The following IQSEC1 variants were observed in gnomAD, a reference collection of about 807,000 sequenced individuals.
IQSEC1 encodes the protein IQ motif and SEC7 domain-containing protein 1.
A neutral mutation model predicts 91.0 loss-of-function variants in IQSEC1; 31 were observed. The ratio of observed to expected loss-of-function variants is 0.34; its 90% CI spans 0.26 to 0.46. The LOEUF is 0.46. Among genes scored for constraint, IQSEC1 ranks in the 20% least tolerant of loss-of-function variants. The probability of loss-of-function intolerance (pLI) is 1.00; values close to 1 mark genes in which losing one functional copy is unlikely to be tolerated. For synonymous variants in IQSEC1, 699 were observed against 662.6 expected (o/e 1.05, Z -0.84); for missense variants, 1,388 against 1,575.6 (o/e 0.88, Z 2.02).
intron 1 of IQSEC1, among the ~76,000 whole-genome samples, chr3:13,033,349 A>C (rs948326445): frequency 6.6e-6 from 1 of 152,166 alleles, no homozygotes; most frequent in African/African-American, 2.4e-5. Flanking sequence ...CTTAAACAAC[A>C]GAAATGAGTT....
intron 1 of IQSEC1, among the ~76,000 whole-genome samples, chr3:12,956,390 C>A (rs1354688318): frequency 6.6e-6 from 1 of 152,220 alleles, no homozygotes; most frequent in Non-Finnish European, 1.5e-5. Context: ...TCCCACAGCT[C>A]TGCATGGCTG....
intron 2 of IQSEC1, among the ~76,000 whole-genome samples, chr3:13,108,041 GA>G (rs11331375): frequency 0.85 from 129,030 of 152,174 alleles, 54,810 homozygotes; most frequent in East Asian, 1. Context: ...AAGCATAAAG[GA>G]AAAAAAAGAA....
intron 6 of IQSEC1, among the ~76,000 whole-genome samples, chr3:12,917,776 A>T (rs73027081): frequency 0.072 from 10,935 of 152,288 alleles, 534 homozygotes; most frequent in Middle Eastern, 0.11. Context: ...CAACTGCTGG[A>T]TCATATTACT....
In IQSEC1 at chr3:12,913,568, G is replaced by A; in HGVS notation, c.2191-15C>T. On this transcript the variant is annotated splice_polypyrimidine_tract_variant and intron_variant, in intron 8 of 13. Transcript: ENST00000613206. ...AGAGAGAGCACCTGTGTGGGAAGAGGCTGTCCTGCCACGGCCGCCCAGCTC... is the reference window on the plus strand; with the variant it reads ...AGAGAGAGCACCTGTGTGGGAAGAGACTGTCCTGCCACGGCCGCCCAGCTC... 1.9e-6 allele frequency: 3 copies of A among 1,597,762 alleles called. No homozygotes were observed. The highest frequency in any genetic ancestry group is 2.6e-6 in the Non-Finnish European group (3 of 1,169,766).
chr3:13,160,055 G>T (rs113670046), intron 2 of IQSEC1, among the ~76,000 whole-genome samples: 1 of 152,114 alleles, frequency 6.6e-6, no homozygotes, highest in Non-Finnish European at 1.5e-5. Flanking sequence ...TTGCAAAATG[G>T]TCAAAAAATG....
intron 2 of IQSEC1, among the ~76,000 whole-genome samples, chr3:13,130,258 C>G (rs566569872): frequency 1.3e-5 from 2 of 148,648 alleles, no homozygotes; most frequent in African/African-American, 5.0e-5. Flanking sequence ...ATAGGAGAAT[C>G]GCTTGAGCCC....
chr3:13,221,948 G>A (rs910690938), intron 1 of IQSEC1, among the ~76,000 whole-genome samples: 2 of 152,228 alleles, frequency 1.3e-5, no homozygotes, highest in African/African-American at 4.8e-5. Flanking sequence ...GAGCAGAGGG[G>A]CAGGAGGGAG....
At chr3:13,166,909 T>C (rs1035809120) in intron 1 of IQSEC1, among the ~76,000 whole-genome samples, 4 of 152,214 alleles carry the variant, frequency 2.6e-5, no homozygotes, top group African/African-American at 9.6e-5. Flanking sequence ...GAGGATGCCC[T>C]GGAGCCCCTG....
At chr3:13,197,035 T>C (rs1375242365) in intron 1 of IQSEC1, among the ~76,000 whole-genome samples, 1 of 152,062 alleles carries the variant, frequency 6.6e-6, no homozygotes, top group Non-Finnish European at 1.5e-5. Context: ...GCCACGACAC[T>C]GCCTCCACCT....
At chr3:13,266,748 A>G (rs532970895) in intron 1 of IQSEC1, among the ~76,000 whole-genome samples, 1 of 152,192 alleles carries the variant, frequency 6.6e-6, no homozygotes, top group Admixed American at 6.5e-5. Context: ...GGATAGCACA[A>G]AAGTGGAGGC....
In IQSEC1 at chr3:12,967,599, T is replaced by G; in HGVS notation, c.24-25734A>C. ...ACCCGCCACGCGATCACGTCGGGGC[T>G]CCTGGTCCAGCGTCCGCCGGCTCCC... On this transcript the variant is annotated intron_variant, in intron 1 of 13. Coordinates refer to ENST00000613206, the MANE Select transcript of IQSEC1 (RefSeq NM_001134382.3). This position sits in a 1 kb window ranked among gnomAD's most constrained non-coding sequence, Gnocchi z 5.9. 1.6e-6 allele frequency: 2 copies of G among 1,265,922 alleles called. No individual in the cohort carries two copies. Among genetic ancestry groups the G allele is most frequent in the Non-Finnish European group, 2.0e-6 (2 of 1,008,466 alleles). 78.4% of individuals were successfully genotyped at this position (1,265,922 alleles called of 1,614,324 possible). A position where few individuals can be genotyped will look rare whatever the true frequency, so the allele number is the denominator to read the frequency against.
intron 1 of IQSEC1, among the ~76,000 whole-genome samples, chr3:13,058,357 C>T (rs749407803): frequency 1.3e-5 from 2 of 152,240 alleles, no homozygotes; most frequent in Non-Finnish European, 2.9e-5. Context: ...CCCACAGGGG[C>T]ATGAAGGTTA....
At chr3:13,039,847 G>A (rs761213892) in intron 1 of IQSEC1, among the ~76,000 whole-genome samples, 3 of 152,216 alleles carry the variant, frequency 2.0e-5, no homozygotes, top group Non-Finnish European at 4.4e-5. Flanking sequence ...TGGACAGACC[G>A]AGCTGCTCAG....
chr3:12,915,855 G>T, intron 6 of IQSEC1, 122 bp from the exon 7 acceptor site: 2 of 1,131,816 alleles, frequency 1.8e-6, no homozygotes, highest in Non-Finnish European at 2.5e-6. Flanking sequence ...GAACTCCCAG[G>T]CAGGCCCACA....
chr3:13,073,189 G>T lies in IQSEC1; in HGVS notation c.-175C>A, dbSNP rs1019445717. On this transcript the variant is annotated 5_prime_UTR_variant, in exon 1 of 14. Coordinates refer to ENST00000613206, the MANE Select transcript of IQSEC1 (RefSeq NM_001134382.3). ...CTCCAGGGAGGCTGGGGCGGGAGCGGGGGGCGGCGCCAGCAGCGGGCTGTG... is the reference window on the plus strand; with the variant it reads ...CTCCAGGGAGGCTGGGGCGGGAGCGTGGGGCGGCGCCAGCAGCGGGCTGTG... 4.3e-6 allele frequency: 3 copies of T among 704,258 alleles called. No homozygotes were observed. The highest frequency in any genetic ancestry group is 1.7e-5 in the South Asian group (1 of 58,844). The allele number at this position is 704,258 out of a possible 1,614,324, so 43.6% of individuals were successfully genotyped here. A position where few individuals can be genotyped will look rare whatever the true frequency, so the allele number is the denominator to read the frequency against.
intron 1 of IQSEC1, among the ~76,000 whole-genome samples, chr3:13,043,931 A>T (rs1704387700): frequency 6.6e-6 from 1 of 152,204 alleles, no homozygotes; most frequent in Admixed American, 6.5e-5. Context: ...GGCACAGAGA[A>T]GACCCCATCC....
intron 1 of IQSEC1, chr3:13,021,942 C>A: frequency 1.1e-6 from 1 of 887,772 alleles, no homozygotes; most frequent in Non-Finnish European, 1.5e-6. Flanking sequence ...TCCCTCCATC[C>A]CAGCTCCTTC....
intron 2 of IQSEC1, among the ~76,000 whole-genome samples, chr3:13,152,683 C>T (rs1222892814): frequency 6.6e-6 from 1 of 152,194 alleles, no homozygotes; most frequent in Non-Finnish European, 1.5e-5. Context: ...CCAGCCTGGC[C>T]AACATCGTGA....
At chr3:13,194,037 A>G (rs1324432208) in intron 1 of IQSEC1, among the ~76,000 whole-genome samples, 1 of 152,006 alleles carries the variant, frequency 6.6e-6, no homozygotes, top group Non-Finnish European at 1.5e-5. Context: ...GAGTCTCTGC[A>G]TGGTCTTCCC....
Sources: allele counts gnomAD v4.1 joint callset (sites outside exome capture counted in the v4.1 genomes callset), GRCh38; gene constraint gnomAD v4.1.1; non-coding constraint Gnocchi (gnomAD v3.1); transcripts MANE v1.5; gene names NCBI Gene and HGNC (gene_info 2026-07-23, HGNC 2026-07-21).